Variants in UGT1A6 observed in about 807,000 individuals in gnomAD.
UGT1A6 encodes UDP-glucuronosyltransferase 1A6.
A neutral mutation model predicts 44.4 loss-of-function variants in UGT1A6; 32 were observed. The ratio of observed to expected loss-of-function variants is 0.72; its 90% CI spans 0.54 to 0.97. UGT1A6 has a LOEUF of 0.97. Ranked by LOEUF, UGT1A6 falls within the 50% of genes least tolerant of loss-of-function variation. The pLI is 0.00. For missense variants in UGT1A6, 685 were observed against 661.9 expected, an observed-to-expected ratio of 1.03 and a Z score of -0.38; for synonymous variants, 238 against 248.5, an observed-to-expected ratio of 0.96 and a Z score of 0.40.
At chr2:233,740,942 A>G (rs1313081158) in intron 1 of UGT1A6, 4 of 151,462 alleles carry the variant, frequency 2.6e-5, no homozygotes, top group African/African-American at 4.9e-5. Context: ...TTTTTTAATT[A>G]GCTAGGTGTG....
chr2:233,740,991 G>A (rs1484591250), intron 1 of UGT1A6: 3 of 151,764 alleles, frequency 2.0e-5, no homozygotes, highest in African/African-American at 7.3e-5. Flanking sequence ...GAATGCTGAG[G>A]AGGAAGGATC....
At chr2:233,700,394 T>C (rs1004610351) in intron 1 of UGT1A6, among the ~76,000 whole-genome samples, 4 of 152,194 alleles carry the variant, frequency 2.6e-5, no homozygotes, top group African/African-American at 9.7e-5. Context: ...ATGTGGAACA[T>C]TTTGGCAGCA....
chr2:233,762,662 A>G (rs1559409315), intron 1 of UGT1A6, among the ~76,000 whole-genome samples: 1 of 152,070 alleles, frequency 6.6e-6, no homozygotes, highest in Non-Finnish European at 1.5e-5. Flanking sequence ...TTTGTAGTTT[A>G]AAAAACATTT....
At chr2:233,747,365 C>A (rs954513567) in intron 1 of UGT1A6, 2 of 1,604,254 alleles carry the variant, frequency 1.2e-6, no homozygotes, top group East Asian at 4.5e-5. Context: ...TGCGGGAGCT[C>A]CATGCCAGAG....
intron 4 of UGT1A6, chr2:233,771,349 A>C (rs1700292689): frequency 6.6e-6 from 1 of 151,972 alleles, no homozygotes; most frequent in Non-Finnish European, 1.5e-5. Context: ...TGTAGCACCA[A>C]GGGTTGAAGC....
At chr2:233,718,927 C>A in intron 1 of UGT1A6, 2 of 1,614,128 alleles carry the variant, frequency 1.2e-6, no homozygotes, top group Non-Finnish European at 8.5e-7. Flanking sequence ...GTGGTGCCCA[C>A]TGATGGCAGC....
rs751408172 is a variant in UGT1A6, at chr2:233,768,227, G to C, written c.1089G>C (p.Pro363=). Residue 363 remains proline, a synonymous_variant, in exon 4 of 5, where the codon CCG becomes CCC. Coordinates refer to ENST00000305139, the MANE Select transcript of UGT1A6 (RefSeq NM_001072.4). ...CCCTATTTTGCATCTCAGGTCACCCGATGACCCGTGCCTTTATCACCCATG... is the reference window on the plus strand; with the variant it reads ...CCCTATTTTGCATCTCAGGTCACCCCATGACCCGTGCCTTTATCACCCATG... ...WLPQNDLLGH[P]MTRAFITHAG... The C allele has an allele frequency of 5.0e-6, 8 of 1,614,014 alleles. No homozygotes were observed. The African/African-American group carries it at 8.0e-5, about 16-fold the overall frequency.
intron 1 of UGT1A6, among the ~76,000 whole-genome samples, chr2:233,745,325 C>G (rs901195420): frequency 6.6e-6 from 1 of 151,822 alleles, no homozygotes; most frequent in African/African-American, 2.4e-5. Context: ...ACTAGAACTG[C>G]TATATCATGA....
At position 233,693,137 on chromosome 2, in the gene UGT1A6, A is replaced by G; in HGVS notation, c.133A>G (p.Ile45Val). ...DGSHWLSMKD[I>V]VEVLSDRGHE... is the part of the protein sequence containing the mutation. ...AAGCCACTGGCTTAGTATGAAGGAT[A>G]TAGTTGAGGTTCTCAGTGACCGGGG... Residue 45 changes from isoleucine (I) to valine (V), a missense_variant, in exon 1 of 5, where the codon ATA becomes GTA. By Grantham distance (29) the Ile-to-Val change is conservative. Transcript: ENST00000305139. The G allele has an allele frequency of 6.2e-7, 1 of 1,614,192 alleles. No individual in the cohort carries two copies. Among genetic ancestry groups the G allele is most frequent in the Non-Finnish European group, 8.5e-7 (1 of 1,180,030 alleles).
In UGT1A6 at chr2:233,766,922, G is replaced by A. The variant is rs955173337; in HGVS notation, c.862-112G>A. The A allele has an allele frequency of 8.3e-6, 13 of 1,559,654 alleles. No individual in the cohort carries two copies. The Middle Eastern group carries it at 1.0e-3, about 123-fold the overall frequency. On this transcript the variant is annotated intron_variant, in intron 1 of 4. Transcript: ENST00000305139. ...TAATTTTTTACTCTATCTCAAACAC[G>A]CATGCCTTTAATCATAGTCTTAAGA...
intron 1 of UGT1A6, chr2:233,755,932 G>T (rs1268785135): frequency 7.6e-6 from 1 of 131,750 alleles, no homozygotes; most frequent in African/African-American, 3.0e-5. Context: ...TCGTTTTACA[G>T]TTTTTGCATC....
chr2:233,741,535 C>T (rs1191111579), intron 1 of UGT1A6: 1 of 151,874 alleles, frequency 6.6e-6, no homozygotes, highest in East Asian at 1.9e-4. Context: ...CTGTCTTATT[C>T]TGATACTTCT....
chr2:233,766,745 T>C (rs1337689607), intron 1 of UGT1A6, among the ~76,000 whole-genome samples: 1 of 152,196 alleles, frequency 6.6e-6, no homozygotes, highest in Non-Finnish European at 1.5e-5. Flanking sequence ...TGTACAGGTG[T>C]GTGCATGTGT....
At chr2:233,759,226 A>C (rs1435521106) in intron 1 of UGT1A6, among the ~76,000 whole-genome samples, 2 of 152,174 alleles carry the variant, frequency 1.3e-5, no homozygotes, top group African/African-American at 4.8e-5. Flanking sequence ...TATGCAAATG[A>C]AGGATGGAAA....
chr2:233,743,797 C>T (rs1382716558), intron 1 of UGT1A6: 8 of 1,367,342 alleles, frequency 5.9e-6, no homozygotes, highest in Non-Finnish European at 7.8e-6. Flanking sequence ...TCTCCGCTTC[C>T]TCCTTGTTCT....
intron 1 of UGT1A6, chr2:233,753,403 T>C (rs149143287): frequency 6.6e-6 from 1 of 152,326 alleles, no homozygotes; most frequent in East Asian, 1.9e-4. Flanking sequence ...CTAGAGCATA[T>C]CCAAACCCAT....
chr2:233,718,574 C>T (rs1436667300), intron 1 of UGT1A6, among the ~76,000 whole-genome samples: 1 of 152,174 alleles, frequency 6.6e-6, no homozygotes, highest in Non-Finnish European at 1.5e-5. Context: ...CTTGGATGTT[C>T]CCCAGAGGCA....
intron 4 of UGT1A6, among the ~76,000 whole-genome samples, chr2:233,771,794 C>G (rs913626995): frequency 6.8e-6 from 1 of 146,546 alleles, no homozygotes; most frequent in Non-Finnish European, 1.5e-5. Flanking sequence ...CTCCCTCCCT[C>G]CCTCCCTCCC....
At chr2:233,744,192 A>C (rs1389532681) in intron 1 of UGT1A6, among the ~76,000 whole-genome samples, 1 of 151,842 alleles carries the variant, frequency 6.6e-6, no homozygotes, top group East Asian at 1.9e-4. Flanking sequence ...CATGGTCTCC[A>C]AAAAGGATGG....
Sources: allele counts gnomAD v4.1 joint callset (sites outside exome capture counted in the v4.1 genomes callset), GRCh38; gene constraint gnomAD v4.1.1; transcripts MANE v1.5; gene names NCBI Gene and HGNC (gene_info 2026-07-23, HGNC 2026-07-21).